The following COBL variants were observed in gnomAD, a reference collection of about 807,000 sequenced individuals.
COBL encodes the protein cordon-bleu WH2 repeat protein, also known as protein cordon-bleu.
Under a neutral mutation model 98.8 loss-of-function variants are expected in COBL, and 51 were observed. That is an observed-to-expected ratio of 0.52 (90% CI 0.41 to 0.65). The LOEUF is 0.65. Ranked by LOEUF, COBL falls within the 30% of genes least tolerant of loss-of-function variation. The pLI is 0.00. For synonymous variants in COBL, 634 were observed against 651.7 expected, an observed-to-expected ratio of 0.97 and a Z score of 0.41; for missense variants, 1,617 against 1,617.5, an observed-to-expected ratio of 1.00 and a Z score of 0.01.
chr7:51,072,199 AAAC>A (rs1792627371), intron 7 of COBL: 1 of 152,122 alleles, frequency 6.6e-6, no homozygotes, highest in Non-Finnish European at 1.5e-5. Context: ...TTTTAGAGAG[AAAC>A]ATGACAAGCT....
chr7:51,289,315 C>G (rs1358620112), intron 1 of COBL, among the ~76,000 whole-genome samples: 1 of 152,236 alleles, frequency 6.6e-6, no homozygotes, highest in Non-Finnish European at 1.5e-5. Context: ...AGTCACCTCC[C>G]AAGTGACTCT....
chr7:51,294,328 AT>A (rs1801199702), intron 1 of COBL, among the ~76,000 whole-genome samples: 1 of 149,370 alleles, frequency 6.7e-6, no homozygotes, highest in Non-Finnish European at 1.5e-5. Context: ...AAATAAATAA[AT>A]AAAAATAAAT....
intron 2 of COBL, among the ~76,000 whole-genome samples, chr7:51,198,336 C>G (rs1279540076): frequency 6.6e-6 from 1 of 152,160 alleles, no homozygotes; most frequent in Non-Finnish European, 1.5e-5. Context: ...TATTGGCCCC[C>G]AATCTCTTTT....
intron 8 of COBL, among the ~76,000 whole-genome samples, chr7:51,040,290 C>G (rs982383162): frequency 6.6e-6 from 1 of 150,834 alleles, no homozygotes; most frequent in African/African-American, 2.4e-5. Context: ...ACACACAAAA[C>G]TATAGTAATT....
chr7:51,230,468 T>C (rs918512126), intron 1 of COBL, among the ~76,000 whole-genome samples: 4 of 152,150 alleles, frequency 2.6e-5, no homozygotes, highest in African/African-American at 9.7e-5. Flanking sequence ...GCTCCACTGT[T>C]GCTCCTTTCC....
chr7:51,095,463 G>A (rs1287388552), intron 6 of COBL, among the ~76,000 whole-genome samples: 1 of 152,086 alleles, frequency 6.6e-6, no homozygotes, highest in East Asian at 1.9e-4. Flanking sequence ...GAATAAAAGA[G>A]CAACAAAACT....
intron 1 of COBL, among the ~76,000 whole-genome samples, chr7:51,292,566 A>G (rs1801007514): frequency 6.6e-6 from 1 of 152,236 alleles, no homozygotes; most frequent in African/African-American, 2.4e-5. Context: ...CTGACGCAAA[A>G]GGCATTCTTG....
At chr7:51,312,868 G>A (rs1345441063) in intron 1 of COBL, among the ~76,000 whole-genome samples, 2 of 152,090 alleles carry the variant, frequency 1.3e-5, no homozygotes, top group African/African-American at 4.8e-5. Flanking sequence ...TCATACTTCA[G>A]TTCTATCCCC....
chr7:51,095,545 T>C (rs533183936), intron 6 of COBL, among the ~76,000 whole-genome samples: 1 of 121,518 alleles, frequency 8.2e-6, no homozygotes, highest in East Asian at 2.1e-4. Flanking sequence ...TAAATGTAAA[T>C]GGATTAAACT....
rs1279331844 is a variant in COBL, at chr7:51,193,391, A to G, written c.444T>C (p.Pro148=). ...VPEEKVKPGP[P]KVPEKSVRLV... The stretch of plus-strand genomic sequence containing the variant: ...GGTACCTACTAACCTCAGGCACCTT[A>G]GGGGGACCAGGCTTAACCTTCTCTT... Residue 148 remains proline (P), a synonymous_variant, in exon 3 of 13, where the codon CCT becomes CCC. Coordinates refer to ENST00000265136, the MANE Select transcript of COBL (RefSeq NM_015198.5). 6.2e-7 allele frequency: 1 copy of G among 1,614,040 alleles called. No homozygotes were observed. Among genetic ancestry groups the G allele is most frequent in the Non-Finnish European group, 8.5e-7 (1 of 1,180,006 alleles).
chr7:51,078,624 G>T (rs1793317733), intron 7 of COBL, among the ~76,000 whole-genome samples: 1 of 152,250 alleles, frequency 6.6e-6, no homozygotes, highest in African/African-American at 2.4e-5. Flanking sequence ...AAAACAGTAA[G>T]CATTGACTAT....
At chr7:51,257,203 A>G (rs1563095347) in intron 1 of COBL, among the ~76,000 whole-genome samples, 1 of 152,220 alleles carries the variant, frequency 6.6e-6, no homozygotes, top group Non-Finnish European at 1.5e-5. Flanking sequence ...TGCTGGAGAC[A>G]TGGTGTGCAA....
At chr7:51,064,881 C>G (rs1199888858) in intron 7 of COBL, 4 of 442,186 alleles carry the variant, frequency 9.0e-6, no homozygotes. Flanking sequence ...CAGGCCTGAG[C>G]ACAGTCTCCA....
At chr7:51,203,941 T>C (rs1791408594) in intron 2 of COBL, among the ~76,000 whole-genome samples, 1 of 152,236 alleles carries the variant, frequency 6.6e-6, no homozygotes, top group Admixed American at 6.5e-5. Context: ...TATAGGCTAA[T>C]ATCCCTGACG....
chr7:51,088,095 C>T (rs1794455786), intron 6 of COBL, among the ~76,000 whole-genome samples: 1 of 152,104 alleles, frequency 6.6e-6, no homozygotes. Flanking sequence ...CTTCTGAGTC[C>T]TTCCTGCTGG....
At chr7:51,190,781 CAG>C in intron 4 of COBL, 67 bp downstream of exon 4, 2 of 1,288,860 alleles carry the variant, frequency 1.6e-6, no homozygotes, top group Non-Finnish European at 2.2e-6. Flanking sequence ...GGAGAGCCAA[CAG>C]GGGACATGTA....
intron 2 of COBL, among the ~76,000 whole-genome samples, chr7:51,196,875 C>A (rs1790643324): frequency 6.6e-6 from 1 of 151,844 alleles, no homozygotes; most frequent in Admixed American, 6.6e-5. Flanking sequence ...GGTGACACCT[C>A]ACTTGCTATT....
intron 2 of COBL, among the ~76,000 whole-genome samples, chr7:51,216,489 G>T (rs992273797): frequency 2.0e-5 from 3 of 152,140 alleles, no homozygotes; most frequent in Non-Finnish European, 2.9e-5. Context: ...TTCTGTTCTT[G>T]TGCCTCAATT....
intron 1 of COBL, among the ~76,000 whole-genome samples, chr7:51,294,507 G>C (rs2129192452): frequency 6.6e-6 from 1 of 151,602 alleles, no homozygotes; most frequent in African/African-American, 2.4e-5. Flanking sequence ...GCTGGGTGTG[G>C]AGGCACATGC....
Sources: gnomAD v4.1 joint callset for allele counts (sites outside exome capture counted in the v4.1 genomes callset) on GRCh38, gnomAD v4.1.1 for gene constraint, MANE v1.5 for transcripts, NCBI Gene and HGNC (gene_info 2026-07-23, HGNC 2026-07-21) for gene names.